Variants in RAD23B observed in about 807,000 individuals in gnomAD.
RAD23B encodes lysine-specific demethylase RAD23B.
A neutral mutation model predicts 49.1 loss-of-function variants in RAD23B; 5 were observed. That is an observed-to-expected ratio of 0.10 (90% CI 0.05 to 0.21). The LOEUF is 0.21. Ranked by LOEUF, RAD23B falls within the 10% of genes least tolerant of loss-of-function variation. The probability of loss-of-function intolerance (pLI) is 1.00; values close to 1 mark genes in which losing one functional copy is unlikely to be tolerated. For synonymous variants in RAD23B, 184 were observed against 165.4 expected, an observed-to-expected ratio of 1.11 and a Z score of -0.86; for missense variants, 356 against 486.7, an observed-to-expected ratio of 0.73 and a Z score of 2.53.
At chr9:107,298,729 T>G (rs983108769) in intron 1 of RAD23B, among the ~76,000 whole-genome samples, 8 of 151,698 alleles carry the variant, frequency 5.3e-5, no homozygotes, top group African/African-American at 1.9e-4. Context: ...ATAATAAATA[T>G]TATACTTACT....
chr9:107,294,410 G>A (rs551184565), intron 1 of RAD23B, among the ~76,000 whole-genome samples: 2 of 152,256 alleles, frequency 1.3e-5, no homozygotes, highest in East Asian at 1.9e-4. Flanking sequence ...GGACTGTGGT[G>A]CTCAGGTTTA....
At chr9:107,284,798 G>A in intron 1 of RAD23B, 1 of 1,203,984 alleles carries the variant, frequency 8.3e-7, no homozygotes, top group Non-Finnish European at 1.1e-6. Flanking sequence ...AAGTAGACCT[G>A]AGTTCCATTT....
chr9:107,323,766 T>G (rs1052405624), intron 7 of RAD23B, 124 bp from the exon 8 acceptor site: 1 of 947,842 alleles, frequency 1.1e-6, no homozygotes, highest in Non-Finnish European at 1.6e-6. Context: ...TTACTTCATT[T>G]TATTACATCT....
chr9:107,292,456 G>A (rs989452134), intron 1 of RAD23B, among the ~76,000 whole-genome samples: 4 of 152,070 alleles, frequency 2.6e-5, no homozygotes, highest in Non-Finnish European at 4.4e-5. Flanking sequence ...TGAGGTGGGC[G>A]GATCACGAGG....
intron 3 of RAD23B, among the ~76,000 whole-genome samples, chr9:107,303,421 T>C (rs1826699064): frequency 1.3e-5 from 2 of 152,334 alleles, no homozygotes; most frequent in South Asian, 4.1e-4. Flanking sequence ...AGAACCATGT[T>C]GATTTTGCTA....
At chr9:107,294,838 C>T (rs143717215) in intron 1 of RAD23B, among the ~76,000 whole-genome samples, 16 of 152,212 alleles carry the variant, frequency 1.1e-4, no homozygotes, top group Non-Finnish European at 1.8e-4. Context: ...TCCTGGAAGT[C>T]TAAGTAGCAC....
chr9:107,292,631 G>A (rs1221667802), intron 1 of RAD23B, among the ~76,000 whole-genome samples: 1 of 132,998 alleles, frequency 7.5e-6, no homozygotes, highest in East Asian at 2.3e-4. Flanking sequence ...AGTGAGCCAA[G>A]ATCGTGCCAC....
chr9:107,328,565 A>G (rs1424836573), intron 9 of RAD23B, among the ~76,000 whole-genome samples: 2 of 150,476 alleles, frequency 1.3e-5, no homozygotes, highest in African/African-American at 4.8e-5. Context: ...CGCCACTGAT[A>G]CAACAGGAGA....
rs193222937 is a variant in RAD23B, at chr9:107,297,141, T to C, written c.67-3000T>C. On this transcript the variant is annotated intron_variant, in intron 1 of 9. Coordinates refer to ENST00000358015, the MANE Select transcript of RAD23B (RefSeq NM_002874.5). ...TGCTGGGATTACAGGCATGAGCCACTGCGCCTGGCCTCTTAATTTCTTTTT... is the reference window on the plus strand; with the variant it reads ...TGCTGGGATTACAGGCATGAGCCACCGCGCCTGGCCTCTTAATTTCTTTTT... Among the ~76,000 whole-genome samples the C allele has an allele frequency of 1.0e-3, 153 of 152,132 alleles. 1 individual carries two copies. Among genetic ancestry groups the C allele is most frequent in the Non-Finnish European group, 1.6e-3 (112 of 67,976 alleles).
chr9:107,321,277 AC>A (rs2133094288), intron 6 of RAD23B, among the ~76,000 whole-genome samples: 1 of 150,616 alleles, frequency 6.6e-6, no homozygotes, highest in East Asian at 2.0e-4. Context: ...TTTATGAGAT[AC>A]TTTAAGTATC....
intron 1 of RAD23B, among the ~76,000 whole-genome samples, chr9:107,288,673 C>T (rs1180614162): frequency 6.6e-6 from 1 of 151,982 alleles, no homozygotes; most frequent in Non-Finnish European, 1.5e-5. Flanking sequence ...GTCTTGAACT[C>T]CTGAGCTCAG....
At position 107,292,280 on chromosome 9, in the gene RAD23B, G is replaced by A. The variant is rs114793811; in HGVS notation, c.67-7861G>A. 4.2e-3 allele frequency among the ~76,000 whole-genome samples: 646 copies of A among 152,304 alleles called. 7 individuals are homozygous for A. The highest frequency in any genetic ancestry group is 0.015 in the African/African-American group (616 of 41,570). ...TTTTAGTATTGCAAAAAGCAATGTA[G>A]TGCACATACTTTGTACCTTTGTCTT... On this transcript the variant is annotated intron_variant, in intron 1 of 9. Coordinates refer to ENST00000358015, the MANE Select transcript of RAD23B (RefSeq NM_002874.5).
At chr9:107,300,269 TTA>T in intron 2 of RAD23B, 47 bp downstream of exon 2, 2 of 1,565,116 alleles carry the variant, frequency 1.3e-6, no homozygotes, top group East Asian at 2.3e-5. Context: ...TGATATTCTT[TTA>T]GTTTTAGAAA....
intron 1 of RAD23B, among the ~76,000 whole-genome samples, chr9:107,290,869 G>A (rs1018086200): frequency 7.2e-5 from 11 of 152,190 alleles, no homozygotes; most frequent in Admixed American, 2.6e-4. Context: ...ACAAGGTCCT[G>A]CCGCGATAGA....
rs1337623561 is a variant in RAD23B at position 107,330,265 on chromosome 9, C to G, written c.*609C>G. 2.0e-5 allele frequency: 3 copies of G among 152,560 alleles called. No individual in the cohort carries two copies. Among genetic ancestry groups the G allele is most frequent in the Non-Finnish European group, 4.4e-5 (3 of 68,028 alleles). 9.5% of individuals were successfully genotyped at this position (152,560 alleles called of 1,614,324 possible). ...CCTTTTCTTAAAATGAAAATAATTA[C>G]TGCTATTTTAAAATTTCTTGATCAT... On this transcript the variant is annotated 3_prime_UTR_variant, in exon 10 of 10. Coordinates refer to ENST00000358015, the MANE Select transcript of RAD23B (RefSeq NM_002874.5). This position sits in a 1 kb window ranked among gnomAD's most constrained non-coding sequence, Gnocchi z 4.4.
intron 9 of RAD23B, among the ~76,000 whole-genome samples, chr9:107,326,047 A>G (rs73517767): frequency 0.055 from 8,343 of 152,152 alleles, 698 homozygotes; most frequent in African/African-American, 0.19. Context: ...TGTTGAACCA[A>G]CCTTGCATTT....
chr9:107,301,780 A>G (rs547610647), intron 2 of RAD23B, among the ~76,000 whole-genome samples: 108 of 152,092 alleles, frequency 7.1e-4, no homozygotes, highest in African/African-American at 2.1e-3. Context: ...GCCTCAAGCT[A>G]TATTTCCTCC....
Position 107,326,590 on chromosome 9 carries a change from C to T in RAD23B, c.1116+1586C>T, listed in dbSNP as rs1212444115. Among the ~76,000 whole-genome samples, 4 of 145,282 alleles carry T rather than the reference C, an allele frequency of 2.8e-5. No homozygotes were observed. The South Asian group carries it at 8.7e-4, about 32-fold the overall frequency. On this transcript the variant is annotated intron_variant, in intron 9 of 9. Coordinates refer to ENST00000358015, the MANE Select transcript of RAD23B (RefSeq NM_002874.5). ...GGGGGAAGTTTTGTGATTATTGATT[C>T]AGTCTCTTGTTACTTGTCTATTCAA... is the stretch of plus-strand genomic sequence containing the variant.
At position 107,290,309 on chromosome 9, in the gene RAD23B, A is replaced by G. The variant is rs1833355271; in HGVS notation, c.66+6614A>G. On this transcript the variant is annotated intron_variant, in intron 1 of 9. Transcript: ENST00000358015. ...CCTCATCCCCTGTCATGTGTGAAGG[A>G]CATCACTCCATCAGATCTTTTCTCT... Among the ~76,000 whole-genome samples, 5 of 152,146 alleles carry G rather than the reference A, an allele frequency of 3.3e-5. No homozygotes were observed. In the South Asian group the frequency reaches 8.3e-4, roughly 25 times the overall value.
Sources: gnomAD v4.1 joint callset for allele counts (sites outside exome capture counted in the v4.1 genomes callset) on GRCh38, gnomAD v4.1.1 for gene constraint, Gnocchi (gnomAD v3.1) non-coding constraint, MANE v1.5 for transcripts, NCBI Gene and HGNC (gene_info 2026-07-23, HGNC 2026-07-21) for gene names.